Variants in CCSER1 observed in about 807,000 individuals in gnomAD.
The protein encoded by CCSER1 is serine-rich coiled-coil domain-containing protein 1.
A neutral mutation model predicts 82.0 loss-of-function variants in CCSER1; 41 were observed. The ratio of observed to expected loss-of-function variants is 0.50; its 90% CI spans 0.39 to 0.65. The LOEUF (loss-of-function observed/expected upper bound fraction) is 0.65, where lower values mean the gene tolerates loss of function less well. Ranked by LOEUF, CCSER1 falls within the 30% of genes least tolerant of loss-of-function variation. The probability of loss-of-function intolerance (pLI) is 0.00; values close to 1 mark genes in which losing one functional copy is unlikely to be tolerated. For synonymous variants in CCSER1, 414 were observed against 383.9 expected, an observed-to-expected ratio of 1.08 and a Z score of -0.92; for missense variants, 1,119 against 1,064.2, an observed-to-expected ratio of 1.05 and a Z score of -0.72.
intron 3 of CCSER1, among the ~76,000 whole-genome samples, chr4:90,355,404 G>C (rs777484975): frequency 6.6e-6 from 1 of 151,828 alleles, no homozygotes; most frequent in African/African-American, 2.4e-5. Context: ...TTTGTGTTAG[G>C]TCTCCTGCTT....
chr4:90,496,896 T>G (rs1038779022), intron 5 of CCSER1, among the ~76,000 whole-genome samples: 1 of 146,392 alleles, frequency 6.8e-6, no homozygotes, highest in Non-Finnish European at 1.5e-5. Context: ...GAGAATCGCT[T>G]GAACCCAGGA....
chr4:90,949,889 G>A (rs11727378), intron 9 of CCSER1, among the ~76,000 whole-genome samples: 14,095 of 151,982 alleles, frequency 0.093, 804 homozygotes, highest in Admixed American at 0.15. Context: ...CCTACTGTAC[G>A]GATGAACATA....
chr4:91,422,272 C>T (rs1753720308), intron 10 of CCSER1, among the ~76,000 whole-genome samples: 1 of 152,050 alleles, frequency 6.6e-6, no homozygotes, highest in Non-Finnish European at 1.5e-5. Context: ...AATATCTTTG[C>T]TCCTCCCTTT....
chr4:91,122,147 G>A (rs981851452), intron 10 of CCSER1, among the ~76,000 whole-genome samples: 3 of 151,678 alleles, frequency 2.0e-5, no homozygotes, highest in Non-Finnish European at 4.4e-5. Flanking sequence ...AGGAAAAGAT[G>A]CTTGTCTTTA....
At chr4:91,345,791 T>G (rs1206230717) in intron 10 of CCSER1, among the ~76,000 whole-genome samples, 1 of 152,278 alleles carries the variant, frequency 6.6e-6, no homozygotes, top group Non-Finnish European at 1.5e-5. Context: ...GAGTATTATG[T>G]AGGACAGTTT....
At chr4:90,646,470 C>T (rs952589446) in intron 6 of CCSER1, among the ~76,000 whole-genome samples, 4 of 152,038 alleles carry the variant, frequency 2.6e-5, no homozygotes, top group African/African-American at 9.7e-5. Context: ...ACCTTAAATG[C>T]ATAGATGACA....
At chr4:90,181,298 C>G (rs1248099864) in intron 1 of CCSER1, among the ~76,000 whole-genome samples, 1 of 152,082 alleles carries the variant, frequency 6.6e-6, no homozygotes, top group Non-Finnish European at 1.5e-5. Flanking sequence ...AATTTTAATT[C>G]ATATAAAATG....
intron 1 of CCSER1, among the ~76,000 whole-genome samples, chr4:90,296,900 G>A (rs1732068357): frequency 1.3e-5 from 2 of 152,162 alleles, no homozygotes; most frequent in South Asian, 4.1e-4. Flanking sequence ...CTGTAGCCTT[G>A]TAGTATAGTT....
intron 8 of CCSER1, among the ~76,000 whole-genome samples, chr4:90,877,401 G>A (rs1009668391): frequency 5.3e-5 from 8 of 152,088 alleles, no homozygotes; most frequent in Admixed American, 4.6e-4. Context: ...CTGGAGGAAA[G>A]TATAATCAAT....
chr4:90,567,439 C>T (rs2153651901), intron 5 of CCSER1, among the ~76,000 whole-genome samples: 1 of 151,936 alleles, frequency 6.6e-6, no homozygotes, highest in South Asian at 2.1e-4. Flanking sequence ...TACAGACATG[C>T]ACCACTACGC....
intron 3 of CCSER1, among the ~76,000 whole-genome samples, chr4:90,330,087 T>C (rs1345935696): frequency 6.6e-6 from 1 of 152,170 alleles, no homozygotes; most frequent in Non-Finnish European, 1.5e-5. Context: ...GTATATTTAG[T>C]AGTAATGGTC....
At chr4:91,186,140 C>T (rs1734511110) in intron 10 of CCSER1, among the ~76,000 whole-genome samples, 1 of 152,118 alleles carries the variant, frequency 6.6e-6, no homozygotes, top group Non-Finnish European at 1.5e-5. Context: ...CTACTTTTCA[C>T]CCAGTGTCCT....
chr4:90,966,642 C>A (rs1734590523), intron 9 of CCSER1, among the ~76,000 whole-genome samples: 1 of 152,018 alleles, frequency 6.6e-6, no homozygotes, highest in Non-Finnish European at 1.5e-5. Context: ...CCAATTGAAT[C>A]CGTGGAAGGG....
At chr4:90,571,947 A>AT (rs902362470) in intron 5 of CCSER1, among the ~76,000 whole-genome samples, 7 of 152,096 alleles carry the variant, frequency 4.6e-5, no homozygotes, top group South Asian at 2.1e-4. Flanking sequence ...GTTAATCTGA[A>AT]TTTGTGTACT....
chr4:91,051,461 A>G (rs1450399185), intron 9 of CCSER1, among the ~76,000 whole-genome samples: 2 of 152,148 alleles, frequency 1.3e-5, no homozygotes, highest in African/African-American at 4.8e-5. Context: ...TTTAAAAACC[A>G]TTGTAAATAT....
intron 5 of CCSER1, among the ~76,000 whole-genome samples, chr4:90,505,453 T>C (rs1439370634): frequency 6.6e-6 from 1 of 152,202 alleles, no homozygotes; most frequent in Non-Finnish European, 1.5e-5. Context: ...GTCTAAGTGA[T>C]GCTGATTGAT....
At chr4:90,562,363 C>A (rs540969321) in intron 5 of CCSER1, among the ~76,000 whole-genome samples, 2 of 152,020 alleles carry the variant, frequency 1.3e-5, no homozygotes, top group Non-Finnish European at 1.5e-5. Context: ...TCCACTCTTT[C>A]CAATAAACGT....
At chr4:91,345,144 A>T (rs2149292073) in intron 10 of CCSER1, among the ~76,000 whole-genome samples, 1 of 152,278 alleles carries the variant, frequency 6.6e-6, no homozygotes, top group East Asian at 1.9e-4. Flanking sequence ...TAATCCCATC[A>T]CTTTGGGAGG....
intron 7 of CCSER1, among the ~76,000 whole-genome samples, chr4:90,770,928 A>G (rs1201174673): frequency 1.3e-5 from 2 of 152,186 alleles, no homozygotes; most frequent in Non-Finnish European, 2.9e-5. Flanking sequence ...AAGGAAATCT[A>G]TCACCTAAGT....
Sources: gnomAD v4.1 joint callset for allele counts (sites outside exome capture counted in the v4.1 genomes callset) on GRCh38, gnomAD v4.1.1 for gene constraint, MANE v1.5 for transcripts, NCBI Gene and HGNC (gene_info 2026-07-23, HGNC 2026-07-21) for gene names.